Variants in INPP4B observed in about 807,000 individuals in gnomAD.
The protein encoded by INPP4B is inositol polyphosphate 4-phosphatase type II.
Under a neutral mutation model 122.5 loss-of-function variants are expected in INPP4B, and 55 were observed. The observed-to-expected ratio is 0.45, with a 90% CI of 0.36 to 0.56. The LOEUF is 0.56. INPP4B is among the 20% of genes least tolerant of loss of function. The pLI, the probability that INPP4B is intolerant of heterozygous loss-of-function variation, is 0.00. For synonymous variants in INPP4B, 403 were observed against 388.7 expected (o/e 1.04, Z -0.43); for missense variants, 1,000 against 1,097.7 (o/e 0.91, Z 1.26).
chr4:142,644,555 G>T (rs1273735726), intron 2 of INPP4B, among the ~76,000 whole-genome samples: 1 of 151,784 alleles, frequency 6.6e-6, no homozygotes, highest in Non-Finnish European at 1.5e-5. Context: ...TTCAGTGACA[G>T]AACATTCAGT....
chr4:142,630,903 T>C (rs913245755), intron 2 of INPP4B, among the ~76,000 whole-genome samples: 3 of 152,122 alleles, frequency 2.0e-5, no homozygotes. Flanking sequence ...GGACCGCAGC[T>C]TAGCTTCAAG....
At chr4:142,823,181 G>T (rs1781007589) in intron 1 of INPP4B, among the ~76,000 whole-genome samples, 1 of 152,166 alleles carries the variant, frequency 6.6e-6, no homozygotes, top group Non-Finnish European at 1.5e-5. Context: ...ATCTTGTGAA[G>T]CTCAGAAGGC....
intron 18 of INPP4B, among the ~76,000 whole-genome samples, chr4:142,143,046 C>G (rs534534112): frequency 5.5e-4 from 83 of 152,134 alleles, no homozygotes; most frequent in African/African-American, 2.0e-3. Context: ...TCTACCTCTT[C>G]AAAAGCACAG....
chr4:142,684,694 C>T (rs530759590), intron 2 of INPP4B, among the ~76,000 whole-genome samples: 1 of 152,148 alleles, frequency 6.6e-6, no homozygotes, highest in Admixed American at 6.6e-5. Context: ...CCTGAATATT[C>T]AGGGACATTA....
chr4:142,291,304 A>C (rs2150974060), intron 9 of INPP4B, among the ~76,000 whole-genome samples: 1 of 152,326 alleles, frequency 6.6e-6, no homozygotes. Context: ...TTTTTATTTT[A>C]GAGATGACAT....
chr4:142,182,209 G>A (rs1459241192), intron 15 of INPP4B, among the ~76,000 whole-genome samples: 5 of 152,110 alleles, frequency 3.3e-5, no homozygotes, highest in African/African-American at 4.8e-5. Flanking sequence ...AATAAAATAA[G>A]TAGGAGAATT....
At chr4:142,526,599 A>G (rs900582260) in intron 2 of INPP4B, among the ~76,000 whole-genome samples, 1 of 152,064 alleles carries the variant, frequency 6.6e-6, no homozygotes, top group Non-Finnish European at 1.5e-5. Flanking sequence ...GCACACGGAG[A>G]TATCACCTGG....
intron 23 of INPP4B, chr4:142,096,207 G>C (rs1781718161): frequency 6.6e-6 from 1 of 152,128 alleles, no homozygotes; most frequent in Admixed American, 6.6e-5. Context: ...GAATGCAAGA[G>C]TTAGACATTC....
chr4:142,363,800 A>G (rs1468392260), intron 7 of INPP4B, among the ~76,000 whole-genome samples: 7 of 152,016 alleles, frequency 4.6e-5, no homozygotes, highest in Non-Finnish European at 7.4e-5. Flanking sequence ...ATATTATCTC[A>G]TTTGTCTTCC....
At chr4:142,308,605 AGAAT>A (rs1764312622) in intron 8 of INPP4B, among the ~76,000 whole-genome samples, 1 of 152,170 alleles carries the variant, frequency 6.6e-6, no homozygotes. Flanking sequence ...ACATTGTAAA[AGAAT>A]GAATGAGAAG....
At chr4:142,642,228 T>C (rs1249786537) in intron 2 of INPP4B, among the ~76,000 whole-genome samples, 1 of 152,214 alleles carries the variant, frequency 6.6e-6, no homozygotes, top group East Asian at 1.9e-4. Context: ...GCCTGTTCAC[T>C]CTAATGGTAG....
intron 2 of INPP4B, among the ~76,000 whole-genome samples, chr4:142,525,862 T>C (rs899776508): frequency 4.0e-5 from 6 of 150,742 alleles, no homozygotes; most frequent in African/African-American, 1.5e-4. Context: ...CCAAAAGCAA[T>C]GGCAACAAAA....
chr4:142,597,635 T>A (rs1036291654), intron 2 of INPP4B, among the ~76,000 whole-genome samples: 1 of 152,194 alleles, frequency 6.6e-6, no homozygotes, highest in African/African-American at 2.4e-5. Flanking sequence ...CATGAATCTG[T>A]AAGCTCCTTT....
At chr4:142,428,365 A>G (rs3775720) in intron 5 of INPP4B, among the ~76,000 whole-genome samples, 32,735 of 150,676 alleles carry the variant, frequency 0.22, 4,465 homozygotes, top group Non-Finnish European at 0.31. Flanking sequence ...TGCATGTATT[A>G]GTCTGTAAAA....
At chr4:142,621,995 T>G (rs1745045991) in intron 2 of INPP4B, among the ~76,000 whole-genome samples, 1 of 151,936 alleles carries the variant, frequency 6.6e-6, no homozygotes, top group Non-Finnish European at 1.5e-5. Flanking sequence ...GGTTATACAG[T>G]AAGTAAATTG....
chr4:142,284,767 C>G (rs1486422651), intron 9 of INPP4B, among the ~76,000 whole-genome samples: 2 of 151,852 alleles, frequency 1.3e-5, no homozygotes. Flanking sequence ...GGGTCGTGTA[C>G]CAAATAAAAC....
At chr4:142,629,219 C>A (rs76223720) in intron 2 of INPP4B, among the ~76,000 whole-genome samples, 184 of 152,090 alleles carry the variant, frequency 1.2e-3, no homozygotes, top group African/African-American at 4.3e-3. Context: ...GGCAATCAAT[C>A]AATATTGAAT....
chr4:142,167,065 T>G (rs1178099764), intron 16 of INPP4B, among the ~76,000 whole-genome samples: 2 of 151,844 alleles, frequency 1.3e-5, no homozygotes, highest in African/African-American at 2.4e-5. Context: ...GGAATATAAA[T>G]CATTCTATAA....
rs180744147 is a variant in INPP4B, at chr4:142,408,930, T to C, written c.137-3606A>G. 6.4e-4 allele frequency among the ~76,000 whole-genome samples: 97 copies of C among 152,330 alleles called. 1 individual carries two copies. In the East Asian group the frequency reaches 0.015, roughly 24 times the overall value. On this transcript the variant is annotated intron_variant, in intron 5 of 25. Transcript: ENST00000262992. Reference sequence around the variant, plus strand: ...GTGCTTGTATCCAGTGTATTTTTTATTGAAATGTGGGAAAAATAATAATAC... The same window carrying C: ...GTGCTTGTATCCAGTGTATTTTTTACTGAAATGTGGGAAAAATAATAATAC...
Sources: gnomAD v4.1 joint callset for allele counts (sites outside exome capture counted in the v4.1 genomes callset) on GRCh38, gnomAD v4.1.1 for gene constraint, MANE v1.5 for transcripts, NCBI Gene and HGNC (gene_info 2026-07-23, HGNC 2026-07-21) for gene names.